Variants in FBXO24 observed in about 807,000 individuals in gnomAD.
FBXO24 encodes F-box protein 24, also known as F-box only protein 24.
FBXO24 carries 30 observed loss-of-function variants against 63.5 expected under a neutral mutation model. The ratio of observed to expected loss-of-function variants is 0.47; its 90% CI spans 0.35 to 0.64. FBXO24 has a LOEUF of 0.64. Among genes scored for constraint, FBXO24 ranks in the 30% least tolerant of loss-of-function variants. The pLI, the probability that FBXO24 is intolerant of heterozygous loss-of-function variation, is 0.00. For missense variants in FBXO24, 624 were observed against 763.4 expected, an observed-to-expected ratio of 0.82 and a Z score of 2.15; for synonymous variants, 300 against 305.0, an observed-to-expected ratio of 0.98 and a Z score of 0.17.
At chr7:100,596,978 G>A (rs935145776) in intron 8 of FBXO24, among the ~76,000 whole-genome samples, 1 of 152,168 alleles carries the variant, frequency 6.6e-6, no homozygotes, top group African/African-American at 2.4e-5. Flanking sequence ...GGAGGCAGAG[G>A]TTGCGGTGAG....
rs1164760245 is a variant in FBXO24, at chr7:100,586,548, T to A, written c.-78T>A. ...TAAGCCAGATACAGGCGAGTGACTGTCAAGAAGGCCAATTAGAGCCTCCGA... is the reference window on the plus strand; with the variant it reads ...TAAGCCAGATACAGGCGAGTGACTGACAAGAAGGCCAATTAGAGCCTCCGA... On this transcript the variant is annotated 5_prime_UTR_variant, in exon 1 of 10. Coordinates refer to ENST00000241071, the MANE Select transcript of FBXO24 (RefSeq NM_033506.3). 6 of 1,482,352 alleles carry A rather than the reference T, an allele frequency of 4.0e-6. No individual in the cohort carries two copies. The highest frequency in any genetic ancestry group is 4.5e-5 in the East Asian group (2 of 44,194). The allele number at this position is 1,482,352 out of a possible 1,614,324, so 91.8% of individuals were successfully genotyped here.
In FBXO24 at chr7:100,601,025, G is replaced by A; in HGVS notation, c.*126G>A. The A allele has an allele frequency of 2.9e-6, 4 of 1,387,702 alleles. No homozygotes were observed. The highest frequency in any genetic ancestry group is 3.8e-6 in the Non-Finnish European group (4 of 1,041,540). The allele number at this position is 1,387,702 out of a possible 1,614,324, so 86.0% of individuals were successfully genotyped here. A position where few individuals can be genotyped will look rare whatever the true frequency, so the allele number is the denominator to read the frequency against. On this transcript the variant is annotated 3_prime_UTR_variant, in exon 10 of 10. Transcript: ENST00000241071. ...CTAGGGGGTGGGGACGGCTAACCAG[G>A]GTAAGAATGTTCAGGGGGCTGCCCA...
rs1000880483 is a variant in FBXO24, at chr7:100,592,969, A to G, written c.745A>G (p.Ile249Val). 6.2e-7 allele frequency: 1 copy of G among 1,614,042 alleles called. No homozygotes were observed. The highest frequency in any genetic ancestry group is 1.3e-5 in the African/African-American group (1 of 74,912). The change falls in exon 5 of 10, where the codon ATC (isoleucine) becomes GTC (valine). Residue 249 changes from isoleucine (I) to valine (V), a missense_variant. Ile to Val is a conservative substitution (Grantham distance 29). This residue lies in a region of FBXO24 where 391 missense variants were observed against 469.1 expected (regional missense o/e 0.83). Coordinates refer to ENST00000241071, the MANE Select transcript of FBXO24 (RefSeq NM_033506.3). ...CCACCACTCAATGACCTTCAAGCAG[A>G]TCGTGCTGGTTGGTCAGGAGACCCA... ...TFHHSMTFKQ[I>V]VLVGQETQRA...
chr7:100,587,602 CTT>C (rs138687549), intron 1 of FBXO24, among the ~76,000 whole-genome samples: 7 of 117,774 alleles, frequency 5.9e-5, no homozygotes, highest in Non-Finnish European at 5.2e-5. Context: ...CGCGCCCGGC[CTT>C]TTTTTTTTTT....
At position 100,586,688 on chromosome 7, in the gene FBXO24, G is replaced by A. The variant is rs1164633321; in HGVS notation, c.39+24G>A. ...GGGTGAGCTAGAACTTTAAGACTGA[G>A]GTTAAGAATGAACGCGGAGCCCCTG... On this transcript the variant is annotated intron_variant, in intron 1 of 9. Transcript: ENST00000241071. 5 of 1,613,918 alleles carry A rather than the reference G, an allele frequency of 3.1e-6. No individual in the cohort carries two copies. In the East Asian group the frequency reaches 6.7e-5, roughly 22 times the overall value.
intron 3 of FBXO24, among the ~76,000 whole-genome samples, chr7:100,591,053 T>G (rs1801995641): frequency 1.3e-5 from 2 of 149,034 alleles, no homozygotes; most frequent in African/African-American, 5.0e-5. Flanking sequence ...TTTTTTTTTT[T>G]TTGAGACAGG....
intron 8 of FBXO24, 97 bp from the exon 9 acceptor site, chr7:100,599,934 T>G: frequency 7.2e-7 from 1 of 1,386,322 alleles, no homozygotes; most frequent in Non-Finnish European, 9.9e-7. Flanking sequence ...TCCTCCCCAG[T>G]TCATTCTGCC....
intron 8 of FBXO24, among the ~76,000 whole-genome samples, chr7:100,597,934 A>G (rs931142009): frequency 1.4e-5 from 2 of 144,554 alleles, no homozygotes. Context: ...TATGTTGCCC[A>G]AGCTTATATT....
intron 1 of FBXO24, among the ~76,000 whole-genome samples, chr7:100,587,275 TCCCTCTCC>T (rs1457178010): frequency 6.6e-6 from 1 of 152,038 alleles, no homozygotes; most frequent in Non-Finnish European, 1.5e-5. Context: ...CCTCCCTCCC[TCCCTCTCC>T]CTTCCGTTCC....
At chr7:100,593,747 A>G (rs1446380318) in intron 5 of FBXO24, among the ~76,000 whole-genome samples, 1 of 145,022 alleles carries the variant, frequency 6.9e-6, no homozygotes, top group Non-Finnish European at 1.5e-5. Context: ...CAGTGAGCCG[A>G]GATTATGCCA....
chr7:100,591,643 C>T (rs1280373208), intron 3 of FBXO24, 24 bp from the exon 4 acceptor site: 4 of 1,609,056 alleles, frequency 2.5e-6, no homozygotes, highest in Non-Finnish European at 3.4e-6. Context: ...TCCCTTGAAC[C>T]TTCCATCTCC....
Position 100,591,771 on chromosome 7 carries a change from A to G in FBXO24, c.427A>G (p.Lys143Glu). 6.2e-7 allele frequency: 1 copy of G among 1,614,148 alleles called. No individual in the cohort carries two copies. The highest frequency in any genetic ancestry group is 8.5e-7 in the Non-Finnish European group (1 of 1,180,028). ...AHGYRRFLPTKDHVFILDYVG... is the reference protein window; with the variant it reads ...AHGYRRFLPTEDHVFILDYVG... Reference sequence around the variant, plus strand: ...CGGCTACCGCCGCTTCTTGCCCACCAAGGATCACGTCTTCATTCTTGACTA... The same window carrying G: ...CGGCTACCGCCGCTTCTTGCCCACCGAGGATCACGTCTTCATTCTTGACTA... Residue 143 changes from lysine (K) to glutamate (E), a missense_variant, in exon 4 of 10, where the codon AAG becomes GAG. Transcript: ENST00000241071.
At position 100,594,268 on chromosome 7, in the gene FBXO24, C is replaced by T; in HGVS notation, c.794-115C>T. The T allele has an allele frequency of 8.5e-7, 1 of 1,172,694 alleles. No individual in the cohort carries two copies. Among genetic ancestry groups the T allele is most frequent in the Non-Finnish European group, 1.2e-6 (1 of 846,150 alleles). 72.6% of individuals were successfully genotyped at this position (1,172,694 alleles called of 1,614,324 possible). On this transcript the variant is annotated intron_variant, in intron 5 of 9. Coordinates refer to ENST00000241071, the MANE Select transcript of FBXO24 (RefSeq NM_033506.3). This position sits in a 1 kb window ranked among gnomAD's most constrained non-coding sequence, Gnocchi z 4.2. Reference sequence around the variant, plus strand: ...GGTCACTCTTCCCTTATTTCTTTCTCAGCCCCACTCTAGGGCAGTAAATGT... The same window carrying T: ...GGTCACTCTTCCCTTATTTCTTTCTTAGCCCCACTCTAGGGCAGTAAATGT...
At chr7:100,590,420 C>G in intron 3 of FBXO24, 63 bp downstream of exon 3, 2 of 1,521,520 alleles carry the variant, frequency 1.3e-6, no homozygotes, top group South Asian at 2.5e-5. Flanking sequence ...TTCCTGCTCT[C>G]TAAAGTCCCC....
Position 100,594,231 on chromosome 7 carries a change from TG to T in FBXO24, c.794-147del, listed in dbSNP as rs1562819139. ...CTGATTTATGGTGGGAACTGGAGTC[TG>T]GGGGACTTGGGGTCACTCTTCCCTT... is the stretch of plus-strand genomic sequence containing the variant. On this transcript the variant is annotated intron_variant, in intron 5 of 9. Transcript: ENST00000241071. The surrounding 1 kb of genome is among the most constrained non-coding windows in gnomAD (Gnocchi z 4.2). 9.3e-6 allele frequency: 7 copies of T among 751,448 alleles called. No individual in the cohort carries two copies. Among genetic ancestry groups the T allele is most frequent in the Non-Finnish European group, 1.5e-5 (7 of 479,024 alleles). 46.5% of individuals were successfully genotyped at this position (751,448 alleles called of 1,614,324 possible).
rs369625473 is a variant in FBXO24 at position 100,591,725 on chromosome 7, C to T, written c.381C>T (p.Ser127=). The change falls in exon 4 of 10, where the codon AGC becomes AGT. Residue 127 remains serine (S), a synonymous_variant. Transcript: ENST00000241071. The part of the protein sequence containing the change: ...FGGRRRCLSK[S]VAPLLAHGYR... ...GCCGCCGCCGATGTCTCAGCAAGAGCGTGGCCCCCTTGCTAGCCCACGGCT... is the reference window on the plus strand; with the variant it reads ...GCCGCCGCCGATGTCTCAGCAAGAGTGTGGCCCCCTTGCTAGCCCACGGCT... 3.7e-6 allele frequency: 6 copies of T among 1,614,122 alleles called. No homozygotes were observed. The African/African-American group carries it at 5.3e-5, about 14-fold the overall frequency.
chr7:100,592,214 G>A (rs554776610), intron 4 of FBXO24: 59 of 314,946 alleles, frequency 1.9e-4, no homozygotes, highest in East Asian at 4.1e-4. Flanking sequence ...AGCTGAGATC[G>A]CACCCTTGCA....
At position 100,586,552 on chromosome 7, in the gene FBXO24, GA is replaced by G. The variant is rs1040127718; in HGVS notation, c.-72del. On this transcript the variant is annotated 5_prime_UTR_variant, in exon 1 of 10. Coordinates refer to ENST00000241071, the MANE Select transcript of FBXO24 (RefSeq NM_033506.3). Reference sequence around the variant, plus strand: ...CCAGATACAGGCGAGTGACTGTCAAGAAGGCCAATTAGAGCCTCCGAAGGGA... The same window carrying G: ...CCAGATACAGGCGAGTGACTGTCAAGAGGCCAATTAGAGCCTCCGAAGGGA... 1.5e-4 allele frequency: 224 copies of G among 1,509,140 alleles called. 1 individual carries two copies. Among genetic ancestry groups the G allele is most frequent in the Admixed American group, 3.5e-4 (21 of 59,272 alleles). The allele number at this position is 1,509,140 out of a possible 1,614,324, so 93.5% of individuals were successfully genotyped here.
chr7:100,591,916 C>T lies in FBXO24; in HGVS notation c.558+14C>T, dbSNP rs965081251. The stretch of plus-strand genomic sequence containing the variant: ...GGAGCCAAGGATGTGAGTAGCAGAA[C>T]CCTGGCAGCTGAGAGCCCACCTGTA... On this transcript the variant is annotated intron_variant, in intron 4 of 9. Transcript: ENST00000241071. 6.2e-7 allele frequency: 1 copy of T among 1,613,250 alleles called. No individual in the cohort carries two copies. Among genetic ancestry groups the T allele is most frequent in the South Asian group, 1.1e-5 (1 of 91,058 alleles).
Sources: allele counts gnomAD v4.1 joint callset (sites outside exome capture counted in the v4.1 genomes callset), GRCh38; gene constraint gnomAD v4.1.1; regional missense constraint gnomAD v4.1.1; non-coding constraint Gnocchi (gnomAD v3.1); transcripts MANE v1.5; gene names NCBI Gene and HGNC (gene_info 2026-07-23, HGNC 2026-07-21).